The following HACD2 variants were observed in gnomAD, a reference collection of about 807,000 sequenced individuals.
The protein encoded by HACD2 is very-long-chain (3R)-3-hydroxyacyl-CoA dehydratase 2.
HACD2 carries 15 observed loss-of-function variants against 31.0 expected under a neutral mutation model. The ratio of observed to expected loss-of-function variants is 0.48; its 90% CI spans 0.32 to 0.75. HACD2 has a LOEUF of 0.75. Ranked by LOEUF, HACD2 falls within the 30% of genes least tolerant of loss-of-function variation. The probability of loss-of-function intolerance (pLI) is 0.03; values close to 1 mark genes in which losing one functional copy is unlikely to be tolerated. For missense variants in HACD2, 283 were observed against 313.0 expected (o/e 0.90, Z 0.72); for synonymous variants, 115 against 122.2 (o/e 0.94, Z 0.39).
chr3:123,534,798 T>TTGTGTATGTGTGTGTG (rs1553759161), intron 3 of HACD2, among the ~76,000 whole-genome samples: 1 of 149,090 alleles, frequency 6.7e-6, no homozygotes, highest in Non-Finnish European at 1.5e-5. Flanking sequence ...AGACGTAGGC[T>TTGTGTATGTGTGTGTG]TGTGTGTGTG....
chr3:123,532,667 G>A (rs1157954596), intron 3 of HACD2, among the ~76,000 whole-genome samples: 2 of 151,818 alleles, frequency 1.3e-5, no homozygotes, highest in Non-Finnish European at 2.9e-5. Flanking sequence ...GTGAAACCCC[G>A]TCTCTACTAA....
intron 3 of HACD2, among the ~76,000 whole-genome samples, chr3:123,534,797 C>CG (rs2056405400): frequency 3.7e-4 from 3 of 8,072 alleles, no homozygotes; most frequent in Non-Finnish European, 1.8e-3. Context: ...TAGACGTAGG[C>CG]TTGTGTGTGT....
intron 2 of HACD2, 133 bp from the exon 3 acceptor site, chr3:123,567,913 T>G: frequency 2.1e-6 from 1 of 466,532 alleles, no homozygotes; most frequent in Non-Finnish European, 3.7e-6. Flanking sequence ...AAAATGAACA[T>G]TCCATTTTTA....
chr3:123,556,463 T>C (rs145964193), intron 3 of HACD2, among the ~76,000 whole-genome samples: 11 of 150,670 alleles, frequency 7.3e-5, no homozygotes, highest in African/African-American at 2.2e-4. Context: ...TGATATACAA[T>C]AGATGTGCAT....
At chr3:123,576,573 T>TTCCTCAAA (rs1181116966) in intron 2 of HACD2, among the ~76,000 whole-genome samples, 1 of 152,208 alleles carries the variant, frequency 6.6e-6, no homozygotes, top group Admixed American at 6.5e-5. Context: ...AGAGATGTGT[T>TTCCTCAAA]TCCTCAAAAT....
intron 6 of HACD2, among the ~76,000 whole-genome samples, chr3:123,498,214 GA>G (rs1237881975): frequency 6.6e-6 from 1 of 152,106 alleles, no homozygotes; most frequent in Non-Finnish European, 1.5e-5. Context: ...GGTTTGCAGG[GA>G]ATCTTTTAAT....
At chr3:123,512,784 C>T (rs1197478790) in intron 4 of HACD2, among the ~76,000 whole-genome samples, 1 of 152,148 alleles carries the variant, frequency 6.6e-6, no homozygotes, top group African/African-American at 2.4e-5. Context: ...GATTTATATA[C>T]ACACACAGCT....
chr3:123,576,056 TTCTGTTATAA>T (rs1309049229), intron 2 of HACD2, among the ~76,000 whole-genome samples: 1 of 152,166 alleles, frequency 6.6e-6, no homozygotes, highest in East Asian at 1.9e-4. Context: ...TATATTGTTT[TTCTGTTATAA>T]TGTTTTGTAA....
intron 6 of HACD2, 33 bp from the exon 7 acceptor site, chr3:123,495,003 G>T (rs1233086748): frequency 1.5e-6 from 2 of 1,358,408 alleles, no homozygotes; most frequent in Non-Finnish European, 2.1e-6. Context: ...TTAAGAGGAT[G>T]GTTTAAAATT....
chr3:123,567,243 A>G (rs2056801764), intron 3 of HACD2, among the ~76,000 whole-genome samples: 1 of 152,188 alleles, frequency 6.6e-6, no homozygotes, highest in African/African-American at 2.4e-5. Flanking sequence ...CCCTCCCCAC[A>G]AAAAGGAAAA....
At chr3:123,516,960 C>T (rs1009055800) in intron 4 of HACD2, among the ~76,000 whole-genome samples, 3 of 152,212 alleles carry the variant, frequency 2.0e-5, no homozygotes, top group Admixed American at 6.5e-5. Flanking sequence ...GGCTGCATGT[C>T]CTGAGGCAAG....
chr3:123,567,580 C>T (rs910388380), intron 3 of HACD2, among the ~76,000 whole-genome samples, 182 bp downstream of exon 3: 1 of 152,144 alleles, frequency 6.6e-6, no homozygotes, highest in Non-Finnish European at 1.5e-5. Context: ...TCAGTCATGA[C>T]ATCTAAATAG....
At chr3:123,502,836 G>GCGTGTA (rs2055921657) in intron 4 of HACD2, 155 bp from the exon 5 acceptor site, 4 of 700,966 alleles carry the variant, frequency 5.7e-6, no homozygotes, top group Non-Finnish European at 9.2e-6. Flanking sequence ...GTGTAGAGCT[G>GCGTGTA]GGGCCTAGGA....
At chr3:123,511,268 T>C (rs972233239) in intron 4 of HACD2, among the ~76,000 whole-genome samples, 1 of 152,068 alleles carries the variant, frequency 6.6e-6, no homozygotes, top group African/African-American at 2.4e-5. Flanking sequence ...TAAAGTGAGG[T>C]TTACAGAATT....
At chr3:123,535,894 G>A (rs1485894819) in intron 3 of HACD2, among the ~76,000 whole-genome samples, 2 of 152,314 alleles carry the variant, frequency 1.3e-5, no homozygotes, top group South Asian at 2.1e-4. Flanking sequence ...AGAAGTATAA[G>A]AAGATACACA....
At chr3:123,522,816 A>G (rs758188620) in intron 4 of HACD2, among the ~76,000 whole-genome samples, 35 of 152,202 alleles carry the variant, frequency 2.3e-4, no homozygotes, top group Non-Finnish European at 3.4e-4. Flanking sequence ...GATACTGAAT[A>G]TAACTCAATG....
intron 3 of HACD2, among the ~76,000 whole-genome samples, chr3:123,529,546 G>A (rs1052902077): frequency 1.3e-5 from 2 of 152,094 alleles, no homozygotes; most frequent in Admixed American, 1.3e-4. Context: ...ACAACATAGC[G>A]AGACCTTGTC....
chr3:123,556,308 A>G (rs1576777630), intron 3 of HACD2, among the ~76,000 whole-genome samples: 1 of 151,846 alleles, frequency 6.6e-6, no homozygotes. Context: ...GTGGTGGTGC[A>G]CGCCTGTAGT....
At chr3:123,540,812 A>C (rs930822124) in intron 3 of HACD2, among the ~76,000 whole-genome samples, 2 of 152,198 alleles carry the variant, frequency 1.3e-5, no homozygotes, top group Non-Finnish European at 2.9e-5. Context: ...CTTTTAAAAA[A>C]CAGTTGAACT....
Sources: allele counts gnomAD v4.1 joint callset (sites outside exome capture counted in the v4.1 genomes callset), GRCh38; gene constraint gnomAD v4.1.1; transcripts MANE v1.5; gene names NCBI Gene and HGNC (gene_info 2026-07-23, HGNC 2026-07-21).